PAX8: variants seen among roughly 807,000 people sequenced by gnomAD.
PAX8 encodes paired box protein Pax-8.
A neutral mutation model predicts 52.4 loss-of-function variants in PAX8; 15 were observed. The observed-to-expected ratio is 0.29, with a 90% CI of 0.19 to 0.44. The LOEUF is 0.44. PAX8 is among the 20% of genes least tolerant of loss of function. The probability of loss-of-function intolerance (pLI) is 1.00; values close to 1 mark genes in which losing one functional copy is unlikely to be tolerated. For missense variants in PAX8, 554 were observed against 602.5 expected, an observed-to-expected ratio of 0.92 and a Z score of 0.84; for synonymous variants, 284 against 249.7, an observed-to-expected ratio of 1.14 and a Z score of -1.29.
intron 2 of PAX8, among the ~76,000 whole-genome samples, chr2:113,250,124 G>A (rs1158730430): frequency 2.6e-5 from 4 of 151,904 alleles, no homozygotes; most frequent in South Asian, 4.2e-4. Flanking sequence ...AAAATTAGCC[G>A]GGCATGGTGG....
intron 2 of PAX8, chr2:113,269,561 G>A (rs2104595205): frequency 6.6e-6 from 1 of 152,276 alleles, no homozygotes; most frequent in Non-Finnish European, 1.5e-5. Flanking sequence ...AAGCAAAGGA[G>A]CAAAGCAAAG....
intron 2 of PAX8, among the ~76,000 whole-genome samples, chr2:113,260,699 C>T (rs1018527781): frequency 1.3e-5 from 2 of 152,154 alleles, no homozygotes; most frequent in African/African-American, 2.4e-5. Context: ...GCCTCCCTCA[C>T]CCGGACAGTT....
At chr2:113,241,050 T>C (rs1406725399) in intron 7 of PAX8, 1 of 218,072 alleles carries the variant, frequency 4.6e-6, no homozygotes, top group Non-Finnish European at 9.3e-6. Context: ...TGCAGAGAAG[T>C]GGGAGGAAAG....
chr2:113,222,586 C>G (rs1412223092), intron 10 of PAX8, among the ~76,000 whole-genome samples: 1 of 152,222 alleles, frequency 6.6e-6, no homozygotes, highest in African/African-American at 2.4e-5. Context: ...GCATCCCACC[C>G]TACTCACCTT....
chr2:113,255,229 AGGGG>A (rs1692138837), intron 2 of PAX8, among the ~76,000 whole-genome samples: 5 of 65,572 alleles, frequency 7.6e-5, no homozygotes, highest in Non-Finnish European at 1.5e-4. Context: ...GGGAGGAGGG[AGGGG>A]AGGAGGGAGG....
chr2:113,233,633 G>A (rs542995287), intron 9 of PAX8, among the ~76,000 whole-genome samples: 32 of 149,206 alleles, frequency 2.1e-4, no homozygotes, highest in Non-Finnish European at 1.5e-4. Flanking sequence ...AGCTGAGATC[G>A]CGCCACTGCA....
intron 6 of PAX8, 109 bp downstream of exon 6, chr2:113,241,899 A>T: frequency 6.8e-7 from 1 of 1,463,424 alleles, no homozygotes; most frequent in Non-Finnish European, 9.5e-7. Context: ...AGTCACATGC[A>T]GAGCCCCTAC....
chr2:113,261,013 C>T (rs895417), intron 2 of PAX8, among the ~76,000 whole-genome samples: 32,650 of 151,922 alleles, frequency 0.21, 3,611 homozygotes, highest in Non-Finnish European at 0.24. Flanking sequence ...AACCGCCTTT[C>T]TGAGGGACAC....
intron 4 of PAX8, 56 bp from the exon 5 acceptor site, chr2:113,242,834 G>T: frequency 7.2e-7 from 1 of 1,394,008 alleles, no homozygotes; most frequent in Non-Finnish European, 1.0e-6. Flanking sequence ...AGAACTCATG[G>T]CTGCCCCAGA....
At chr2:113,226,669 G>GTCA (rs34633676) in intron 10 of PAX8, 351,792 of 1,056,144 alleles carry the variant, frequency 0.33, 52,215 homozygotes, top group South Asian at 0.38. Context: ...CATCGTCATC[G>GTCA]TCATCATCAT....
Position 113,241,577 on chromosome 2 carries a change from AGGCATAGGCCTCTGG to A in PAX8, c.736_750del (p.Pro246_Ala250del). 6.3e-7 allele frequency: 1 copy of A among 1,577,124 alleles called. No homozygotes were observed. The highest frequency in any genetic ancestry group is 8.6e-7 in the Non-Finnish European group (1 of 1,167,778). On this transcript the variant is annotated inframe_deletion, in exon 7 of 12. Coordinates refer to ENST00000429538, the MANE Select transcript of PAX8 (RefSeq NM_003466.4). ...TGCTCGCCTTTGGTGTGGCTGGGGG[AGGCATAGGCCTCTGG>A]GTAGTGCTGCCGCTCAAATGGGCAC... is the stretch of plus-strand genomic sequence containing the variant.
chr2:113,268,117 C>T (rs1055620165), intron 2 of PAX8: 1 of 152,320 alleles, frequency 6.6e-6, no homozygotes, highest in African/African-American at 2.4e-5. Context: ...GAGTGTTGTA[C>T]ATATGCTGTG....
At chr2:113,230,358 G>C (rs1489625809) in intron 9 of PAX8, among the ~76,000 whole-genome samples, 2 of 152,222 alleles carry the variant, frequency 1.3e-5, no homozygotes, top group East Asian at 3.8e-4. Flanking sequence ...CAGAGTTCCA[G>C]GGCATATACT....
rs1692527223 is a variant in PAX8, at chr2:113,259,725, A to T, written c.26-12806T>A. ...GAAAGCATTAATTGATGAAACATGAACTTCTAGTCAGGGGCTGCAAATGGA... is the reference window on the plus strand; with the variant it reads ...GAAAGCATTAATTGATGAAACATGATCTTCTAGTCAGGGGCTGCAAATGGA... On this transcript the variant is annotated intron_variant, in intron 2 of 11. Transcript: ENST00000429538. 5 of 152,160 alleles carry T rather than the reference A, an allele frequency of 3.3e-5. No individual in the cohort carries two copies. The South Asian group carries it at 1.0e-3, about 32-fold the overall frequency. 9.4% of individuals were successfully genotyped at this position (152,160 alleles called of 1,614,324 possible).
At chr2:113,277,128 A>C (rs1452218512) in intron 2 of PAX8, among the ~76,000 whole-genome samples, 1 of 152,156 alleles carries the variant, frequency 6.6e-6, no homozygotes, top group African/African-American at 2.4e-5. Flanking sequence ...CTCTCCCCTG[A>C]GGACCTTGAA....
intron 7 of PAX8, chr2:113,236,969 C>G: frequency 3.7e-6 from 2 of 543,962 alleles, no homozygotes; most frequent in Non-Finnish European, 6.6e-6. Flanking sequence ...AGAGTCTCAG[C>G]CAGAGGACCA....
intron 2 of PAX8, chr2:113,266,820 C>G (rs1693097074): frequency 1.3e-5 from 2 of 152,166 alleles, no homozygotes; most frequent in South Asian, 4.1e-4. Context: ...ACAAGTGTAC[C>G]TTTTTCTACC....
intron 4 of PAX8, 136 bp downstream of exon 4, chr2:113,244,291 C>T (rs1691128877): frequency 1.3e-6 from 1 of 766,852 alleles, no homozygotes; most frequent in South Asian, 1.4e-5. Context: ...GCCAGGTGTG[C>T]TCCCTGCCTG....
At chr2:113,265,084 A>G (rs1451308669) in intron 2 of PAX8, among the ~76,000 whole-genome samples, 6 of 152,252 alleles carry the variant, frequency 3.9e-5, no homozygotes, top group Non-Finnish European at 8.8e-5. Context: ...CACCAGGTTA[A>G]GTTTGTCTGA....
Sources: gnomAD v4.1 joint callset for allele counts (sites outside exome capture counted in the v4.1 genomes callset) on GRCh38, gnomAD v4.1.1 for gene constraint, MANE v1.5 for transcripts, NCBI Gene and HGNC (gene_info 2026-07-23, HGNC 2026-07-21) for gene names.